TNK2: variants seen among roughly 807,000 people sequenced by gnomAD.
The protein encoded by TNK2 is tyrosine kinase non receptor 2, also known as activated CDC42 kinase 1.
In TNK2, 83 loss-of-function variants were observed where a neutral mutation model predicts 101.8. The ratio of observed to expected loss-of-function variants is 0.82; its 90% confidence interval spans 0.68 to 0.98. The LOEUF is 0.98. TNK2 is among the 50% of genes least tolerant of loss of function. TNK2 has a pLI of 0.00. For missense variants in TNK2, 1,665 were observed against 1,483.2 expected (o/e 1.12, Z -2.01); for synonymous variants, 804 against 633.0 (o/e 1.27, Z -4.06).
chr3:195,883,409 T>C (rs1376211965), intron 4 of TNK2, 100 bp from the exon 5 acceptor site: 16 of 1,403,878 alleles, frequency 1.1e-5, no homozygotes, highest in Non-Finnish European at 1.5e-5. Context: ...GATCCCTGCC[T>C]GTGAGCTCCT....
At chr3:195,887,675 A>G (rs1756320555) in intron 2 of TNK2, among the ~76,000 whole-genome samples, 1 of 152,196 alleles carries the variant, frequency 6.6e-6, no homozygotes, top group Non-Finnish European at 1.5e-5. Flanking sequence ...TACAACCCCC[A>G]CTTTTAGGAA....
chr3:195,899,074 C>A (rs912792456), intron 1 of TNK2, among the ~76,000 whole-genome samples: 5 of 152,060 alleles, frequency 3.3e-5, no homozygotes, highest in East Asian at 1.9e-4. Flanking sequence ...CCAGCCTGGG[C>A]GACAGAGAGA....
Position 195,869,202 on chromosome 3 carries a change from G to T in TNK2, c.1588+295C>A, listed in dbSNP as rs190403344. ...ACAGCGCCTGCAGGTCTGGGAGGCAGCGAGGCCAAGGCAGAAGCCAGGGCC... is the reference window on the plus strand; with the variant it reads ...ACAGCGCCTGCAGGTCTGGGAGGCATCGAGGCCAAGGCAGAAGCCAGGGCC... On this transcript the variant is annotated intron_variant, in intron 12 of 15. Transcript: ENST00000672887. 2.7e-3 allele frequency: 1,574 copies of T among 577,676 alleles called. 5 individuals carry two copies. The highest frequency in any genetic ancestry group is 4.3e-3 in the Non-Finnish European group (1,370 of 322,328). 35.8% of individuals were successfully genotyped at this position (577,676 alleles called of 1,614,324 possible).
At chr3:195,876,552 A>T in intron 9 of TNK2, 1 of 456,636 alleles carries the variant, frequency 2.2e-6, no homozygotes. Context: ...CACCACCGAC[A>T]CCCAGGCCCG....
intron 9 of TNK2, chr3:195,876,714 G>A (rs1268156660): frequency 6.7e-6 from 3 of 446,382 alleles, no homozygotes; most frequent in South Asian, 1.6e-5. Context: ...AGCAGCCACA[G>A]GGAACCAGCG....
At chr3:195,870,384 G>T (rs553680815) in intron 10 of TNK2, 179 bp from the exon 11 acceptor site, 4 of 1,460,416 alleles carry the variant, frequency 2.7e-6, no homozygotes, top group Non-Finnish European at 3.6e-6. Flanking sequence ...GTGTCCTGGA[G>T]AGAAGGCAGA....
chr3:195,877,335 A>G (rs1191565750), intron 9 of TNK2, among the ~76,000 whole-genome samples: 3 of 152,092 alleles, frequency 2.0e-5, no homozygotes, highest in African/African-American at 7.2e-5. Flanking sequence ...TCGGGGCCAC[A>G]GCGGTGCAGG....
At position 195,883,211 on chromosome 3, in the gene TNK2, G is replaced by A. The variant is rs749247349; in HGVS notation, c.555C>T (p.Asp185=). ...IREVNAMHSL[D]HRNLIRLYGV... ...CGTAGAGGCGGATGAGGTTTCGGTG[G>A]TCGAGCGAGTGCATGGCATTGACCT... is the stretch of plus-strand genomic sequence containing the variant. The change falls in exon 5 of 16, where the codon GAC becomes GAT. Residue 185 remains aspartate, a synonymous_variant. Coordinates refer to ENST00000672887, the MANE Select transcript of TNK2 (RefSeq NM_001382273.1). 8.1e-6 allele frequency: 13 copies of A among 1,611,094 alleles called. No individual in the cohort carries two copies. The South Asian group carries it at 1.4e-4, about 18-fold the overall frequency.
chr3:195,876,702 G>T lies in TNK2; in HGVS notation c.1256+1551C>A, dbSNP rs1208204312. 6.7e-6 allele frequency: 3 copies of T among 450,996 alleles called. No individual in the cohort carries two copies. In the Admixed American group the frequency reaches 7.1e-5, roughly 11 times the overall value. The allele number at this position is 450,996 out of a possible 1,614,324, so 27.9% of individuals were successfully genotyped here. Reference sequence around the variant, plus strand: ...GGAAGGAGCCCCCAGAGCCCCACCAGCAGCAGCCACAGGGAACCAGCGGCT... The same window carrying T: ...GGAAGGAGCCCCCAGAGCCCCACCATCAGCAGCCACAGGGAACCAGCGGCT... On this transcript the variant is annotated intron_variant, in intron 9 of 15. Coordinates refer to ENST00000672887, the MANE Select transcript of TNK2 (RefSeq NM_001382273.1).
In TNK2 at chr3:195,866,987, C is replaced by A. The variant is rs1226372939; in HGVS notation, c.3063G>T (p.Arg1021=). ...GCACTTTGTGGCACTCCCCTCTGGG[C>A]CGCAGACCCAGCCCGAAGAGCTGCT... ...KVEQLFGLGL[R]PRGECHKVLE... The change falls in exon 15 of 16, where the codon CGG becomes CGT. Residue 1021 remains arginine (R), a synonymous_variant. Coordinates refer to ENST00000672887, the MANE Select transcript of TNK2 (RefSeq NM_001382273.1). 2 of 1,613,196 alleles carry A rather than the reference C, an allele frequency of 1.2e-6. No homozygotes were observed. Among genetic ancestry groups the A allele is most frequent in the South Asian group, 1.1e-5 (1 of 91,076 alleles).
Position 195,879,070 on chromosome 3 carries a change from C to T in TNK2, c.993G>A (p.Trp331Ter). 6.2e-7 allele frequency: 1 copy of T among 1,613,772 alleles called. No individual in the cohort carries two copies. Among genetic ancestry groups the T allele is most frequent in the African/African-American group, 1.3e-5 (1 of 75,050 alleles). ...TCACCTGACTGCCGTTGAGGCCGAT[C>T]CAGGGCTCCTGGCCGTAGGTGAACA... Reference protein sequence around the residue: ...WEMFTYGQEPWIGLNGSQILH... With the variant: ...WEMFTYGQEP Residue 331 changes from tryptophan (W) to a stop codon, truncating the protein, a stop_gained, in exon 7 of 16, where the codon TGG becomes TGA. Coordinates refer to ENST00000672887, the MANE Select transcript of TNK2 (RefSeq NM_001382273.1). LOFTEE classifies it high-confidence loss of function.
At chr3:195,908,375 TGA>T (rs1422194066) in intron 1 of TNK2, 108 bp downstream of exon 1, 1 of 152,630 alleles carries the variant, frequency 6.6e-6, no homozygotes, top group Non-Finnish European at 1.5e-5. Context: ...CCTCCAGGGA[TGA>T]AAGGCCAAAA....
intron 1 of TNK2, among the ~76,000 whole-genome samples, chr3:195,890,728 T>TA (rs1194373012): frequency 6.6e-6 from 1 of 152,220 alleles, no homozygotes; most frequent in Non-Finnish European, 1.5e-5. Context: ...GCTCCTGGCC[T>TA]TACAGTTTTA....
chr3:195,870,935 CCGCTGTGTGGGTTCTGGTGTGGGGGGACT>C (rs1560486210), intron 10 of TNK2, among the ~76,000 whole-genome samples: 4 of 126,230 alleles, frequency 3.2e-5, no homozygotes, highest in Non-Finnish European at 5.4e-5. Context: ...GTGTGGGGGC[CCGCTGTGTGGGTTCTGGTGTGGGGGGACT>C]CGCTGTGTGG....
chr3:195,907,692 C>A (rs578107767), intron 1 of TNK2, among the ~76,000 whole-genome samples: 1 of 152,238 alleles, frequency 6.6e-6, no homozygotes, highest in Non-Finnish European at 1.5e-5. Flanking sequence ...TTGGCCCCTA[C>A]AAGCCCTACC....
intron 1 of TNK2, chr3:195,891,871 G>T: frequency 1.0e-6 from 1 of 972,832 alleles, no homozygotes; most frequent in Non-Finnish European, 1.2e-6. Context: ...AGAAAGCACA[G>T]CCCGGCCTGT....
intron 15 of TNK2, 71 bp from the exon 16 acceptor site, chr3:195,864,258 C>G (rs370489932): frequency 1.2e-5 from 19 of 1,580,036 alleles, no homozygotes; most frequent in Admixed American, 1.0e-4. Context: ...CACCGGGGGT[C>G]ACACTGGTGC....
intron 6 of TNK2, among the ~76,000 whole-genome samples, chr3:195,879,933 G>C (rs1282513513): frequency 2.6e-5 from 4 of 152,162 alleles, no homozygotes; most frequent in African/African-American, 9.7e-5. Context: ...CAGGATGCCT[G>C]AATACAAAAG....
chr3:195,900,984 G>A (rs1002243209), intron 1 of TNK2, among the ~76,000 whole-genome samples: 1 of 152,246 alleles, frequency 6.6e-6, no homozygotes, highest in Non-Finnish European at 1.5e-5. Context: ...GTGGAGAGGA[G>A]ATGCCAGAGC....
Sources: gnomAD v4.1 joint callset for allele counts (sites outside exome capture counted in the v4.1 genomes callset) on GRCh38, gnomAD v4.1.1 for gene constraint, MANE v1.5 for transcripts, NCBI Gene and HGNC (gene_info 2026-07-23, HGNC 2026-07-21) for gene names.